The following NPHP4 variants were observed in gnomAD, a reference collection of about 807,000 sequenced individuals.
The protein encoded by NPHP4 is nephrocystin 4.
In NPHP4, 151 loss-of-function variants were observed where a neutral mutation model predicts 155.8. The ratio of observed to expected loss-of-function variants is 0.97; its 90% CI spans 0.85 to 1.11. The LOEUF is 1.11. Ranked by LOEUF, NPHP4 falls within the 50% of genes least tolerant of loss-of-function variation. The probability of loss-of-function intolerance (pLI) is 0.00; values close to 1 mark genes in which losing one functional copy is unlikely to be tolerated. For synonymous variants in NPHP4, 845 were observed against 816.8 expected, an observed-to-expected ratio of 1.03 and a Z score of -0.59; for missense variants, 1,956 against 1,925.7, an observed-to-expected ratio of 1.02 and a Z score of -0.29.
At chr1:5,949,933 C>T (rs1475482284) in intron 7 of NPHP4, among the ~76,000 whole-genome samples, 1 of 152,036 alleles carries the variant, frequency 6.6e-6, no homozygotes, top group Non-Finnish European at 1.5e-5. Flanking sequence ...TCTTGGAGGA[C>T]CAGGAGCCTA....
chr1:5,873,770 C>A lies in NPHP4; in HGVS notation c.3232-435G>T, dbSNP rs563875094. The A allele has an allele frequency of 8.3e-5, 24 of 288,806 alleles. 1 individual carries two copies. The highest frequency in any genetic ancestry group is 4.8e-4 in the East Asian group (4 of 8,400). 17.9% of individuals were successfully genotyped at this position (288,806 alleles called of 1,614,324 possible). A position where few individuals can be genotyped will look rare whatever the true frequency, so the allele number is the denominator to read the frequency against. Reference sequence around the variant, plus strand: ...GCACCCGGGCATGACACACCCCCTGCAGGCACACCTCACACACCACCCCCT... The same window carrying A: ...GCACCCGGGCATGACACACCCCCTGAAGGCACACCTCACACACCACCCCCT... On this transcript the variant is annotated intron_variant, in intron 22 of 29. Transcript: ENST00000378156.
At chr1:5,901,745 G>T (rs956138339) in intron 16 of NPHP4, among the ~76,000 whole-genome samples, 1 of 152,218 alleles carries the variant, frequency 6.6e-6, no homozygotes, top group African/African-American at 2.4e-5. Flanking sequence ...AATTTGGAAT[G>T]GGAAACAGAG....
At chr1:5,921,912 C>T (rs572846417) in intron 11 of NPHP4, among the ~76,000 whole-genome samples, 12 of 152,242 alleles carry the variant, frequency 7.9e-5, no homozygotes, top group Non-Finnish European at 1.8e-4. Context: ...TTGCGGTAAG[C>T]GGAGTAACTG....
rs1642438998 is a variant in NPHP4, at chr1:5,875,060, T to C, written c.2858A>G (p.Gln953Arg). The C allele has an allele frequency of 1.2e-6, 2 of 1,607,552 alleles. No individual in the cohort carries two copies. The highest frequency in any genetic ancestry group is 1.1e-5 in the South Asian group (1 of 91,032). Reference protein sequence around the residue: ...SVRTQHLRDLQVIAAYRERTK... With the variant: ...SVRTQHLRDLRVIAAYRERTK... ...GCGTTCCCGGTAGGCGGCGATGACC[T>C]GTAGGTCCCGCAAGTGCTGTGTGCG... Residue 953 changes from glutamine (Q) to arginine (R), a missense_variant, in exon 21 of 30, where the codon CAG becomes CGG. By Grantham distance (43) the Gln-to-Arg change is conservative. Coordinates refer to ENST00000378156, the MANE Select transcript of NPHP4 (RefSeq NM_015102.5).
intron 19 of NPHP4, among the ~76,000 whole-genome samples, chr1:5,878,832 G>C (rs928273052): frequency 6.6e-6 from 1 of 152,156 alleles, no homozygotes; most frequent in Admixed American, 6.5e-5. Flanking sequence ...TTCTCTCTAA[G>C]GAGCTGGCTC....
At chr1:5,950,473 G>A (rs1169991671) in intron 7 of NPHP4, among the ~76,000 whole-genome samples, 1 of 152,204 alleles carries the variant, frequency 6.6e-6, no homozygotes, top group Non-Finnish European at 1.5e-5. Context: ...GCAGCTCCAG[G>A]TAAGGGATCT....
At chr1:5,946,862 C>A (rs1349481358) in intron 9 of NPHP4, among the ~76,000 whole-genome samples, 1 of 152,252 alleles carries the variant, frequency 6.6e-6, no homozygotes, top group Non-Finnish European at 1.5e-5. Flanking sequence ...GCCCAGAGGG[C>A]GGTGCCCAGG....
At chr1:5,966,746 C>CA (rs1651579749) in intron 5 of NPHP4, among the ~76,000 whole-genome samples, 1 of 152,132 alleles carries the variant, frequency 6.6e-6, no homozygotes, top group Admixed American at 6.5e-5. Flanking sequence ...CCTTCTAGCC[C>CA]ACTCCCACCC....
chr1:5,893,127 G>A (rs915995035), intron 16 of NPHP4, among the ~76,000 whole-genome samples: 2 of 152,168 alleles, frequency 1.3e-5, no homozygotes, highest in Non-Finnish European at 2.9e-5. Flanking sequence ...AAGTGTATTT[G>A]GAACATTAAT....
intron 10 of NPHP4, 112 bp from the exon 11 acceptor site, chr1:5,927,899 A>G: frequency 8.6e-7 from 1 of 1,161,992 alleles, no homozygotes; most frequent in Non-Finnish European, 1.2e-6. Flanking sequence ...ACGTGAAATC[A>G]GAGGCTTCTT....
In NPHP4 at chr1:5,875,072, A is replaced by C; in HGVS notation, c.2846T>G (p.Leu949Trp). The C allele has an allele frequency of 1.2e-6, 2 of 1,606,802 alleles. No homozygotes were observed. The highest frequency in any genetic ancestry group is 1.7e-6 in the Non-Finnish European group (2 of 1,179,634). Residue 949 changes from leucine (L) to tryptophan (W), a missense_variant, in exon 21 of 30, where the codon TTG (leucine) becomes TGG (tryptophan). Coordinates refer to ENST00000378156, the MANE Select transcript of NPHP4 (RefSeq NM_015102.5). Reference protein sequence around the residue: ...LAQQSVRTQHLRDLQVIAAYR... With the variant: ...LAQQSVRTQHWRDLQVIAAYR... ...GGCGGCGATGACCTGTAGGTCCCGC[A>C]AGTGCTGTGTGCGGACGCTCTGCTG...
intron 27 of NPHP4, 152 bp downstream of exon 27, chr1:5,864,950 T>C (rs2100401576): frequency 1.4e-6 from 1 of 702,414 alleles, no homozygotes; most frequent in East Asian, 2.7e-5. Flanking sequence ...GAAAGGCAAC[T>C]GCCGAGAGGC....
At chr1:5,936,977 G>A (rs1161525485) in intron 9 of NPHP4, among the ~76,000 whole-genome samples, 1 of 152,192 alleles carries the variant, frequency 6.6e-6, no homozygotes, top group Admixed American at 6.5e-5. Flanking sequence ...GACACAGAGG[G>A]AGACACAGAG....
At chr1:5,970,017 C>T (rs1652277232) in intron 3 of NPHP4, among the ~76,000 whole-genome samples, 1 of 152,118 alleles carries the variant, frequency 6.6e-6, no homozygotes, top group Non-Finnish European at 1.5e-5. Context: ...CCTTCCCATT[C>T]CCAACATGCA....
At chr1:5,894,080 G>A (rs1376061492) in intron 16 of NPHP4, among the ~76,000 whole-genome samples, 2 of 152,164 alleles carry the variant, frequency 1.3e-5, no homozygotes, top group African/African-American at 4.8e-5. Context: ...TCTATATCTG[G>A]TATAACTATT....
chr1:5,907,304 C>A, intron 12 of NPHP4, 82 bp from the exon 13 acceptor site: 2 of 847,094 alleles, frequency 2.4e-6, no homozygotes, highest in South Asian at 1.9e-5. Flanking sequence ...CTGGCCACAC[C>A]GGGGAACGGG....
intron 3 of NPHP4, among the ~76,000 whole-genome samples, chr1:5,971,486 A>G (rs1447007825): frequency 1.3e-5 from 2 of 152,244 alleles, no homozygotes; most frequent in Non-Finnish European, 2.9e-5. Flanking sequence ...TAAAGAATTT[A>G]TAACGAACCT....
chr1:5,909,902 G>A (rs1195435870), intron 11 of NPHP4, among the ~76,000 whole-genome samples: 1 of 152,092 alleles, frequency 6.6e-6, no homozygotes, highest in Non-Finnish European at 1.5e-5. Flanking sequence ...GCCCAGCCCC[G>A]CCTCAGCCCA....
rs760011440 is a variant in NPHP4, at chr1:5,863,407, T to C, written c.4141-2A>G. On this transcript the variant is annotated splice_acceptor_variant, in intron 29 of 29. Coordinates refer to ENST00000378156, the MANE Select transcript of NPHP4 (RefSeq NM_015102.5). LOFTEE classifies it high-confidence loss of function. ...GGTGTAGGTCTCTCCACCCCCGACC[T>C]GGAAATAAGCATCCAAATCCCAGCA... 1.2e-6 allele frequency: 2 copies of C among 1,612,048 alleles called. No homozygotes were observed. The highest frequency in any genetic ancestry group is 2.7e-5 in the African/African-American group (2 of 74,966).
Sources: allele counts gnomAD v4.1 joint callset (sites outside exome capture counted in the v4.1 genomes callset), GRCh38; gene constraint gnomAD v4.1.1; transcripts MANE v1.5; gene names NCBI Gene and HGNC (gene_info 2026-07-23, HGNC 2026-07-21).